Variants in AKR1B15 observed in about 807,000 individuals in gnomAD.
AKR1B15 encodes aldo-keto reductase family 1 member B15.
In AKR1B15, 49 loss-of-function variants were observed where a neutral mutation model predicts 38.5. The observed-to-expected ratio is 1.27, with a 90% confidence interval of 1.01 to 1.62. The LOEUF is 1.62. Ranked by LOEUF, AKR1B15 falls within the 40% of genes most tolerant of loss-of-function variation. The probability of loss-of-function intolerance (pLI) is 0.00; values close to 1 mark genes in which losing one functional copy is unlikely to be tolerated. For synonymous variants in AKR1B15, 137 were observed against 135.5 expected, an observed-to-expected ratio of 1.01 and a Z score of -0.08; for missense variants, 411 against 381.6, an observed-to-expected ratio of 1.08 and a Z score of -0.64.
chr7:134,568,238 T>C lies in AKR1B15; in HGVS notation c.231T>C (p.Tyr77=), dbSNP rs746407140. Residue 77 remains tyrosine, a synonymous_variant, in exon 4 of 12, where the codon TAT becomes TAC. Coordinates refer to ENST00000457545, the MANE Select transcript of AKR1B15 (RefSeq NM_001080538.3). ...EYRHIDCAYF[Y]ENQHEVGEAI... is the part of the protein sequence containing the mutation. ...GCCACATTGACTGTGCCTATTTCTA[T>C]GAGAATCAACATGAGGTGGGAGAAG... is the stretch of plus-strand genomic sequence containing the variant. 12 of 1,614,138 alleles carry C rather than the reference T, an allele frequency of 7.4e-6. No individual in the cohort carries two copies. Among genetic ancestry groups the C allele is most frequent in the Non-Finnish European group, 1.0e-5 (12 of 1,179,988 alleles).
chr7:134,579,639 T>C lies in AKR1B15; in HGVS notation c.*90T>C. 1.6e-6 allele frequency: 2 copies of C among 1,216,344 alleles called. No individual in the cohort carries two copies. Among genetic ancestry groups the C allele is most frequent in the Non-Finnish European group, 1.1e-6 (1 of 872,308 alleles). The allele number at this position is 1,216,344 out of a possible 1,614,324, so 75.3% of individuals were successfully genotyped here. A position where few individuals can be genotyped will look rare whatever the true frequency, so the allele number is the denominator to read the frequency against. ...ACTCAAGAACTATTTTAGCCAAGCT[T>C]ATCTGAGATCACAGTGAACTTTGTC... On this transcript the variant is annotated 3_prime_UTR_variant, in exon 12 of 12. Transcript: ENST00000457545.
intron 2 of AKR1B15, among the ~76,000 whole-genome samples, chr7:134,560,595 G>A (rs73724976): frequency 0.013 from 2,028 of 152,268 alleles, 46 homozygotes; most frequent in African/African-American, 0.045. Context: ...AGTGGTTCTA[G>A]AAGGAATATT....
At chr7:134,556,914 G>A (rs1390618476) in intron 2 of AKR1B15, 55 bp downstream of exon 2, 1 of 152,146 alleles carries the variant, frequency 6.6e-6, no homozygotes, top group African/African-American at 2.4e-5. Flanking sequence ...ACATGCCCAG[G>A]TAGAGTCTCT....
intron 2 of AKR1B15, among the ~76,000 whole-genome samples, chr7:134,559,031 A>C (rs1044621271): frequency 6.6e-6 from 1 of 152,238 alleles, no homozygotes; most frequent in Non-Finnish European, 1.5e-5. Context: ...AGGTGCCGCC[A>C]CCTCCAGAAT....
In AKR1B15 at chr7:134,555,996, T is replaced by C. The variant is rs898645148; in HGVS notation, c.-146-740T>C. Among the ~76,000 whole-genome samples, 7 of 152,288 alleles carry C rather than the reference T, an allele frequency of 4.6e-5. No homozygotes were observed. The South Asian group carries it at 1.4e-3, about 32-fold the overall frequency. On this transcript the variant is annotated intron_variant, in intron 1 of 11. Coordinates refer to ENST00000457545, the MANE Select transcript of AKR1B15 (RefSeq NM_001080538.3). ...ATCCTAAGCCGTGTACTATAGGAAA[T>C]TGTAATCCTCTTACTATAACTCTCC...
chr7:134,555,909 C>T (rs1444834511), intron 1 of AKR1B15, among the ~76,000 whole-genome samples: 1 of 152,134 alleles, frequency 6.6e-6, no homozygotes, highest in East Asian at 1.9e-4. Flanking sequence ...TGTGTGTAAC[C>T]TTGGCCACTT....
chr7:134,564,221 A>C (rs1399819737), intron 2 of AKR1B15, among the ~76,000 whole-genome samples: 5 of 152,078 alleles, frequency 3.3e-5, no homozygotes, highest in Admixed American at 3.3e-4. Context: ...CACACTCTCA[A>C]AGGATTTCTC....
rs773120093 is a variant in AKR1B15, at chr7:134,575,516, C to A, written c.610C>A (p.Leu204Met). 6.2e-7 allele frequency: 1 copy of A among 1,613,892 alleles called. No individual in the cohort carries two copies. Among genetic ancestry groups the A allele is most frequent in the Non-Finnish European group, 8.5e-7 (1 of 1,179,824 alleles). The stretch of plus-strand genomic sequence containing the variant: ...CGAGAGGCTCTTGAACAAACCTGGA[C>A]TGAAATATAAACCAGTGACTAACCA... ...QIERLLNKPG[L>M]KYKPVTNQVE... Residue 204 changes from leucine (L) to methionine (M), a missense_variant, in exon 7 of 12, where the codon CTG becomes ATG. Leu to Met is a conservative substitution (Grantham distance 15). Transcript: ENST00000457545.
intron 6 of AKR1B15, among the ~76,000 whole-genome samples, chr7:134,572,414 G>T (rs1445104892): frequency 5.3e-5 from 8 of 152,130 alleles, no homozygotes; most frequent in Admixed American, 5.2e-4. Flanking sequence ...GGATCATGAG[G>T]TCAGAAGTTT....
intron 2 of AKR1B15, among the ~76,000 whole-genome samples, chr7:134,557,907 A>G (rs1794257085): frequency 6.6e-6 from 1 of 152,136 alleles, no homozygotes. Context: ...AAATAGCAAA[A>G]CAAGTTGCCA....
intron 4 of AKR1B15, among the ~76,000 whole-genome samples, 183 bp downstream of exon 4, chr7:134,568,508 G>T (rs973831706): frequency 2.1e-4 from 32 of 152,142 alleles, no homozygotes; most frequent in African/African-American, 7.7e-4. Context: ...TGAACATGTC[G>T]TGGCTGCCCC....
At chr7:134,562,148 G>A (rs146638551) in intron 2 of AKR1B15, among the ~76,000 whole-genome samples, 61 of 152,240 alleles carry the variant, frequency 4.0e-4, no homozygotes, top group African/African-American at 1.4e-3. Flanking sequence ...TGTGTCTGGA[G>A]TTGATTCCTT....
At chr7:134,553,724 G>T (rs965123153) in intron 1 of AKR1B15, among the ~76,000 whole-genome samples, 4 of 152,220 alleles carry the variant, frequency 2.6e-5, no homozygotes, top group African/African-American at 9.7e-5. Flanking sequence ...CAGCTACCTT[G>T]TTCCCTGATC....
At position 134,579,814 on chromosome 7, in the gene AKR1B15, G is replaced by C. The variant is rs920642012; in HGVS notation, c.*265G>C. Reference sequence around the variant, plus strand: ...CTGATCAAATGTCTGTTAAGCACCAGAAACTCTGCCAACACTGAGGATGTA... The same window carrying C: ...CTGATCAAATGTCTGTTAAGCACCACAAACTCTGCCAACACTGAGGATGTA... On this transcript the variant is annotated 3_prime_UTR_variant, in exon 12 of 12. Coordinates refer to ENST00000457545, the MANE Select transcript of AKR1B15 (RefSeq NM_001080538.3). 33 of 372,286 alleles carry C rather than the reference G, an allele frequency of 8.9e-5. No individual in the cohort carries two copies. The highest frequency in any genetic ancestry group is 6.7e-4 in the African/African-American group (32 of 47,896). 23.1% of individuals were successfully genotyped at this position (372,286 alleles called of 1,614,324 possible). A position where few individuals can be genotyped will look rare whatever the true frequency, so the allele number is the denominator to read the frequency against.
rs1794844675 is a variant in AKR1B15, at chr7:134,579,846, A to G, written c.*297A>G. 1 of 296,206 alleles carries G rather than the reference A, an allele frequency of 3.4e-6. No individual in the cohort carries two copies. The highest frequency in any genetic ancestry group is 6.2e-6 in the Non-Finnish European group (1 of 162,538). The allele number at this position is 296,206 out of a possible 1,614,324, so 18.3% of individuals were successfully genotyped here. ...TGCCAACACTGAGGATGTAAAGATA[A>G]ATAATAAAAAATAATGACTTTAACC... is the stretch of plus-strand genomic sequence containing the variant. On this transcript the variant is annotated 3_prime_UTR_variant, in exon 12 of 12. Coordinates refer to ENST00000457545, the MANE Select transcript of AKR1B15 (RefSeq NM_001080538.3).
intron 6 of AKR1B15, among the ~76,000 whole-genome samples, chr7:134,575,203 T>C (rs1794740195): frequency 1.3e-5 from 2 of 152,212 alleles, no homozygotes; most frequent in African/African-American, 4.8e-5. Flanking sequence ...AATCTTTACC[T>C]GTTAGTTTTA....
rs992370981 is a variant in AKR1B15 at position 134,575,524 on chromosome 7, T to C, written c.618T>C (p.Tyr206=). ...TCTTGAACAAACCTGGACTGAAATA[T>C]AAACCAGTGACTAACCAGGTAAATT... The part of the protein sequence containing the change: ...ERLLNKPGLK[Y]KPVTNQVECH... Residue 206 remains tyrosine (Y), a synonymous_variant, in exon 7 of 12, where the codon TAT becomes TAC. Coordinates refer to ENST00000457545, the MANE Select transcript of AKR1B15 (RefSeq NM_001080538.3). 1 of 1,613,856 alleles carries C rather than the reference T, an allele frequency of 6.2e-7. No individual in the cohort carries two copies. Among genetic ancestry groups the C allele is most frequent in the Admixed American group, 1.7e-5 (1 of 60,004 alleles).
intron 6 of AKR1B15, chr7:134,573,566 C>T (rs775402328): frequency 1.0e-5 from 10 of 984,494 alleles, no homozygotes; most frequent in Non-Finnish European, 1.2e-5. Context: ...TGTAGACCCA[C>T]AACCAGTTCA....
Position 134,562,827 on chromosome 7 carries a change from CCTTTCTCTTTCTTTCTTTCTTT to C in AKR1B15, c.-22-1764_-22-1743del, listed in dbSNP as rs1470010564. ...TCCTTCCTTCCTTTCTTCCTTCCTT[CCTTTCTCTTTCTTTCTTTCTTT>C]CTTTCTTTCTTTCTTTCTTTCTTTC... On this transcript the variant is annotated intron_variant, in intron 2 of 11. Transcript: ENST00000457545. 4.8e-4 allele frequency among the ~76,000 whole-genome samples: 67 copies of C among 138,398 alleles called. 1 individual carries two copies. The highest frequency in any genetic ancestry group is 8.2e-4 in the Non-Finnish European group (52 of 63,722). The allele number at this position is 138,398 out of a possible 152,430, so 90.8% of individuals were successfully genotyped here. A position where few individuals can be genotyped will look rare whatever the true frequency, so the allele number is the denominator to read the frequency against.
Sources: gnomAD v4.1 joint callset for allele counts (sites outside exome capture counted in the v4.1 genomes callset) on GRCh38, gnomAD v4.1.1 for gene constraint, MANE v1.5 for transcripts, NCBI Gene and HGNC (gene_info 2026-07-23, HGNC 2026-07-21) for gene names.